Variants in RYR2 observed in about 807,000 individuals in gnomAD.
The protein encoded by RYR2 is cardiac muscle ryanodine receptor-calcium release channel.
Under a neutral mutation model 601.1 loss-of-function variants are expected in RYR2, and 227 were observed. The ratio of observed to expected loss-of-function variants is 0.38; its 90% CI spans 0.34 to 0.42. RYR2 has a LOEUF of 0.42. Ranked by LOEUF, RYR2 falls within the 10% of genes least tolerant of loss-of-function variation. The pLI is 1.00. For synonymous variants in RYR2, 2,223 were observed against 2,175.1 expected (o/e 1.02, Z -0.61); for missense variants, 4,646 against 6,156.5 (o/e 0.75, Z 8.21).
rs1672124134 is a variant in RYR2 at position 237,566,721 on chromosome 1, A to T, written c.3369A>T (p.Gln1123His). 2 of 1,613,814 alleles carry T rather than the reference A, an allele frequency of 1.2e-6. No individual in the cohort carries two copies. ...TTGGTTGGAGTCGTCCTGGTTGTCA[A>T]CCGGATCAGGAGCTTGGCTCAGATG... ...MRVGWSRPGC[Q>H]PDQELGSDER... The change falls in exon 28 of 105, where the codon CAA (glutamine) becomes CAT (histidine). Residue 1123 changes from glutamine to histidine, a missense_variant. Physicochemically the swap from Gln to His is conservative, Grantham distance 24 (BLOSUM62 0). Transcript: ENST00000366574.
At chr1:237,501,367 G>A (rs1314968873) in intron 21 of RYR2, among the ~76,000 whole-genome samples, 1 of 151,996 alleles carries the variant, frequency 6.6e-6, no homozygotes, top group Non-Finnish European at 1.5e-5. Context: ...TTTCTTCAGT[G>A]TTCCTCTCCA....
chr1:237,701,997 T>C lies in RYR2; in HGVS notation c.9387T>C (p.Ser3129=), dbSNP rs1688006622. ...EDLILEDVQV[S]CYRILTSLYA... ...CCTTAGTGGAAGATGTCCAGGTGTC[T>C]TGTTATAGAATTCTGACTAGCTTAT... is the stretch of plus-strand genomic sequence containing the variant. Residue 3129 remains serine (S), a synonymous_variant, in exon 66 of 105, where the codon TCT becomes TCC. Transcript: ENST00000366574. The C allele has an allele frequency of 4.4e-6, 7 of 1,604,684 alleles. No individual in the cohort carries two copies. The highest frequency in any genetic ancestry group is 1.1e-5 in the South Asian group (1 of 90,760).
chr1:237,785,632 T>C (rs754289488), intron 90 of RYR2, among the ~76,000 whole-genome samples: 2 of 152,134 alleles, frequency 1.3e-5, no homozygotes, highest in Non-Finnish European at 2.9e-5. Context: ...TTTAAAGTAG[T>C]TAGATAAGAA....
chr1:237,723,050 G>A (rs940268447), intron 73 of RYR2, 78 bp from the exon 74 acceptor site: 4 of 1,248,166 alleles, frequency 3.2e-6, no homozygotes, highest in Non-Finnish European at 4.5e-6. Flanking sequence ...ATGATGGGTG[G>A]ACTCTTCCTA....
intron 21 of RYR2, among the ~76,000 whole-genome samples, chr1:237,503,036 G>C (rs551119767): frequency 6.6e-6 from 1 of 152,198 alleles, no homozygotes; most frequent in African/African-American, 2.4e-5. Flanking sequence ...TCTCCAGCAG[G>C]TGATGTCTTC....
intron 12 of RYR2, among the ~76,000 whole-genome samples, chr1:237,428,689 C>G (rs577648514): frequency 1.1e-4 from 16 of 150,592 alleles, no homozygotes; most frequent in African/African-American, 3.9e-4. Context: ...ATAGGTGCCG[C>G]AAACCACCAT....
chr1:237,796,489 TAACCTAA>T (rs1659243486), intron 96 of RYR2, among the ~76,000 whole-genome samples: 1 of 152,200 alleles, frequency 6.6e-6, no homozygotes, highest in African/African-American at 2.4e-5. Context: ...TGGTTTTAAT[TAACCTAA>T]GTAGTTCATG....
chr1:237,198,275 G>A (rs1484334991), intron 1 of RYR2, among the ~76,000 whole-genome samples: 1 of 152,174 alleles, frequency 6.6e-6, no homozygotes, highest in African/African-American at 2.4e-5. Flanking sequence ...TTTAGTTTAT[G>A]TGTTGAGTCT....
chr1:237,591,991 G>C, intron 32 of RYR2, 138 bp downstream of exon 32: 1 of 690,000 alleles, frequency 1.4e-6, no homozygotes, highest in Middle Eastern at 2.6e-4. Context: ...TATATTTTGG[G>C]GACTGAAAGT....
At chr1:237,371,196 C>G (rs1205840999) in intron 6 of RYR2, among the ~76,000 whole-genome samples, 1 of 151,934 alleles carries the variant, frequency 6.6e-6, no homozygotes, top group South Asian at 2.1e-4. Context: ...CTTGCTGTCA[C>G]CCAGGCTGAG....
chr1:237,395,881 C>T (rs1045170171), intron 10 of RYR2, among the ~76,000 whole-genome samples: 4 of 152,044 alleles, frequency 2.6e-5, no homozygotes, highest in Admixed American at 6.6e-5. Context: ...TTTCACTTCC[C>T]GCATCCCATA....
At chr1:237,565,211 CTT>C (rs1671927106) in intron 27 of RYR2, among the ~76,000 whole-genome samples, 1 of 76,400 alleles carries the variant, frequency 1.3e-5, no homozygotes, top group African/African-American at 4.6e-5. Flanking sequence ...TTCTTTCTTT[CTT>C]TCTTTCTTTC....
intron 25 of RYR2, among the ~76,000 whole-genome samples, chr1:237,544,036 C>G (rs1448295201): frequency 6.6e-6 from 1 of 152,080 alleles, no homozygotes; most frequent in Non-Finnish European, 1.5e-5. Flanking sequence ...ATTTTGCTAT[C>G]GGGAAAGCAA....
In RYR2 at chr1:237,089,623, G is replaced by A. The variant is rs140864176; in HGVS notation, c.48+47054G>A. On this transcript the variant is annotated intron_variant, in intron 1 of 104. Coordinates refer to ENST00000366574, the MANE Select transcript of RYR2 (RefSeq NM_001035.3). ...TACAGTGAAATCCACACTACTTTTA[G>A]CCAATAGAATTGTATGTTATCTTGT... Among the ~76,000 whole-genome samples, 671 of 152,292 alleles carry A rather than the reference G, an allele frequency of 4.4e-3. 7 individuals carry two copies. The highest frequency in any genetic ancestry group is 0.015 in the African/African-American group (630 of 41,570).
intron 10 of RYR2, among the ~76,000 whole-genome samples, chr1:237,412,291 A>G (rs1008782698): frequency 1.3e-5 from 2 of 152,192 alleles, no homozygotes; most frequent in African/African-American, 4.8e-5. Flanking sequence ...TACTTAGAAT[A>G]ACCTTAAAGG....
chr1:237,709,955 T>A (rs768450731), intron 70 of RYR2, among the ~76,000 whole-genome samples: 11 of 152,196 alleles, frequency 7.2e-5, no homozygotes, highest in Non-Finnish European at 1.5e-4. Flanking sequence ...AGGTACTGCT[T>A]CCATAAATTT....
At chr1:237,682,413 C>T (rs1685967993) in intron 62 of RYR2, among the ~76,000 whole-genome samples, 1 of 152,132 alleles carries the variant, frequency 6.6e-6, no homozygotes, top group African/African-American at 2.4e-5. Flanking sequence ...TAGTCATGCA[C>T]CACATAACAA....
At chr1:237,574,509 T>C (rs1673029687) in intron 29 of RYR2, among the ~76,000 whole-genome samples, 1 of 152,196 alleles carries the variant, frequency 6.6e-6, no homozygotes, top group Non-Finnish European at 1.5e-5. Context: ...TCAGTTTACT[T>C]TGAGTTAGTC....
intron 1 of RYR2, among the ~76,000 whole-genome samples, chr1:237,092,348 T>C (rs1381852356): frequency 1.3e-5 from 2 of 152,138 alleles, no homozygotes; most frequent in Admixed American, 6.5e-5. Context: ...AGAGTGTTTG[T>C]TTCCTTGAAG....
Sources: gnomAD v4.1 joint callset for allele counts (sites outside exome capture counted in the v4.1 genomes callset) on GRCh38, gnomAD v4.1.1 for gene constraint, MANE v1.5 for transcripts, NCBI Gene and HGNC (gene_info 2026-07-23, HGNC 2026-07-21) for gene names.